The following GPI variants were observed in gnomAD, a reference collection of about 807,000 sequenced individuals.
GPI encodes D-hexose-6-phosphate anomerase.
GPI carries 56 observed loss-of-function variants against 75.8 expected under a neutral mutation model. The ratio of observed to expected loss-of-function variants is 0.74; its 90% CI spans 0.60 to 0.92. The LOEUF is 0.92. GPI is among the 40% of genes least tolerant of loss of function. The pLI is 0.00. For missense variants in GPI, 638 were observed against 741.0 expected, an observed-to-expected ratio of 0.86 and a Z score of 1.61; for synonymous variants, 288 against 285.4, an observed-to-expected ratio of 1.01 and a Z score of -0.09.
Position 34,400,273 on chromosome 19 carries a change from G to A in GPI, c.*237G>A, listed in dbSNP as rs1470061117. The A allele has an allele frequency of 8.2e-6, 5 of 610,770 alleles. No homozygotes were observed. In the Admixed American group the frequency reaches 1.1e-4, roughly 13 times the overall value. The allele number at this position is 610,770 out of a possible 1,614,324, so 37.8% of individuals were successfully genotyped here. Reference sequence around the variant, plus strand: ...GTGTTTTTGTGCAGCTGACTTTTCTGACCCATGTTCACGTTGTTCACATCC... The same window carrying A: ...GTGTTTTTGTGCAGCTGACTTTTCTAACCCATGTTCACGTTGTTCACATCC... On this transcript the variant is annotated 3_prime_UTR_variant, in exon 18 of 18. Transcript: ENST00000356487.
intron 1 of GPI, 156 bp downstream of exon 1, chr19:34,365,544 T>C: frequency 8.1e-7 from 1 of 1,229,968 alleles, no homozygotes; most frequent in South Asian, 1.3e-5. Flanking sequence ...CACTTCGTCC[T>C]TGGAGTCTCC....
At chr19:34,376,062 A>C (rs1367573738) in intron 4 of GPI, among the ~76,000 whole-genome samples, 1 of 152,176 alleles carries the variant, frequency 6.6e-6, no homozygotes, top group Non-Finnish European at 1.5e-5. Context: ...TAAGGTAGGG[A>C]TGTCTCACTG....
intron 7 of GPI, 21 bp downstream of exon 7, chr19:34,379,026 TC>T (rs1236718697): frequency 6.2e-7 from 1 of 1,603,612 alleles, no homozygotes; most frequent in Non-Finnish European, 8.5e-7. Context: ...TATAGGGCCT[TC>T]CTCGTGGTTA....
intron 4 of GPI, among the ~76,000 whole-genome samples, chr19:34,373,112 T>C (rs2074480458): frequency 6.6e-6 from 1 of 151,114 alleles, no homozygotes; most frequent in South Asian, 2.1e-4. Context: ...ATAGTCTGGG[T>C]GCTGTGGCTC....
intron 7 of GPI, 60 bp downstream of exon 7, chr19:34,379,065 G>T: frequency 7.1e-7 from 1 of 1,410,956 alleles, no homozygotes; most frequent in Non-Finnish European, 1.0e-6. Context: ...AGCAGGGTGG[G>T]CCCCTGAGTG....
rs899527532 is a variant in GPI at position 34,365,500 on chromosome 19, T to A, written c.122+112T>A. The A allele has an allele frequency of 1.6e-5, 24 of 1,471,554 alleles. No individual in the cohort carries two copies. The Admixed American group carries it at 2.0e-4, about 12-fold the overall frequency. The allele number at this position is 1,471,554 out of a possible 1,614,324, so 91.2% of individuals were successfully genotyped here. A position where few individuals can be genotyped will look rare whatever the true frequency, so the allele number is the denominator to read the frequency against. On this transcript the variant is annotated intron_variant, in intron 1 of 17. Coordinates refer to ENST00000356487, the MANE Select transcript of GPI (RefSeq NM_000175.5). ...TGCCCGGGGACCCCAGTCCCCGACC[T>A]CCAGGCCACGGACTGGGGCCCAGGC...
intron 4 of GPI, among the ~76,000 whole-genome samples, chr19:34,372,366 G>A (rs1271255181): frequency 2.0e-5 from 3 of 152,196 alleles, no homozygotes; most frequent in Non-Finnish European, 4.4e-5. Context: ...GTAGGGCCAG[G>A]CACAGTTGCT....
intron 9 of GPI, among the ~76,000 whole-genome samples, chr19:34,387,847 A>T (rs1017432699): frequency 5.9e-5 from 9 of 152,070 alleles, no homozygotes; most frequent in Non-Finnish European, 1.0e-4. Flanking sequence ...CTAGCACAGG[A>T]ATGCATAATG....
chr19:34,365,193 C>G (rs946761670), upstream of GPI: 39 of 1,357,556 alleles, frequency 2.9e-5, no homozygotes, highest in Non-Finnish European at 3.2e-5. Flanking sequence ...GCCCACGCGC[C>G]TCGCTTGCTG....
At chr19:34,392,823 G>T in intron 9 of GPI, 1 of 325,468 alleles carries the variant, frequency 3.1e-6, no homozygotes, top group South Asian at 2.7e-5. Context: ...GAGGATCTGG[G>T]TGTGTCCGTG....
In GPI at chr19:34,400,326, G is replaced by C. The variant is rs2075004616; in HGVS notation, c.*290G>C. ...TGTAGAAAAATAAAGATGCCACGGA[G>C]GAGGTTGTAGGCTCAGCCTCTGATT... On this transcript the variant is annotated 3_prime_UTR_variant, in exon 18 of 18. Transcript: ENST00000356487. The C allele has an allele frequency of 1.7e-6, 1 of 596,466 alleles. No homozygotes were observed. Among genetic ancestry groups the C allele is most frequent in the Admixed American group, 3.0e-5 (1 of 33,836 alleles). 36.9% of individuals were successfully genotyped at this position (596,466 alleles called of 1,614,324 possible). A position where few individuals can be genotyped will look rare whatever the true frequency, so the allele number is the denominator to read the frequency against.
Position 34,381,473 on chromosome 19 carries a change from T to C in GPI, c.758T>C (p.Val253Ala), listed in dbSNP as rs2074651060. The C allele has an allele frequency of 6.2e-7, 1 of 1,602,974 alleles. No homozygotes were observed. Among genetic ancestry groups the C allele is most frequent in the East Asian group, 2.2e-5 (1 of 44,786 alleles). Residue 253 changes from valine (V) to alanine (A), a missense_variant, in exon 9 of 18, where the codon GTG becomes GCG. Val to Ala is a moderately conservative substitution (Grantham distance 64, BLOSUM62 0). Coordinates refer to ENST00000356487, the MANE Select transcript of GPI (RefSeq NM_000175.5). ...FVALSTNTTK[V>A]KEFGIDPQNM... Reference sequence around the variant, plus strand: ...TTGTTTTTTTTTTTGTAGACCAAAGTGAAGGAGTTTGGAATTGACCCTCAA... The same window carrying C: ...TTGTTTTTTTTTTTGTAGACCAAAGCGAAGGAGTTTGGAATTGACCCTCAA...
intron 12 of GPI, 81 bp from the exon 13 acceptor site, chr19:34,396,220 G>C (rs1599856865): frequency 6.6e-7 from 1 of 1,517,558 alleles, no homozygotes; most frequent in African/African-American, 1.4e-5. Context: ...TTACAGGCTT[G>C]AGCCACTGCG....
chr19:34,371,812 G>A (rs1413192301), intron 4 of GPI, among the ~76,000 whole-genome samples: 5 of 150,252 alleles, frequency 3.3e-5, no homozygotes, highest in African/African-American at 9.8e-5. Flanking sequence ...CCAAGATCAC[G>A]CCACTGCACT....
In GPI at chr19:34,393,236, T is replaced by C; in HGVS notation, c.805-12T>C. The stretch of plus-strand genomic sequence containing the variant: ...CCGGCCCTCCCTCAGCACCTTGTCC[T>C]GTCTCTCCTAGTGGGTGGGAGGACG... On this transcript the variant is annotated splice_polypyrimidine_tract_variant and intron_variant, in intron 9 of 17. Coordinates refer to ENST00000356487, the MANE Select transcript of GPI (RefSeq NM_000175.5). This position sits in a 1 kb window ranked among gnomAD's most constrained non-coding sequence, Gnocchi z 4.4. 1 of 1,607,688 alleles carries C rather than the reference T, an allele frequency of 6.2e-7. No individual in the cohort carries two copies. Among genetic ancestry groups the C allele is most frequent in the Non-Finnish European group, 8.5e-7 (1 of 1,174,162 alleles).
chr19:34,384,816 G>T (rs1440538413), intron 9 of GPI, among the ~76,000 whole-genome samples: 24 of 152,148 alleles, frequency 1.6e-4, no homozygotes. Flanking sequence ...GCCAAGGCAG[G>T]CAGATCAGTT....
intron 4 of GPI, among the ~76,000 whole-genome samples, chr19:34,369,972 G>C (rs1181048344): frequency 1.3e-5 from 2 of 152,208 alleles, no homozygotes; most frequent in African/African-American, 4.8e-5. Flanking sequence ...CTTCCAGAAA[G>C]TTCCTGTGCA....
At position 34,400,093 on chromosome 19, in the gene GPI, C is replaced by T. The variant is rs2075001478; in HGVS notation, c.*57C>T. The T allele has an allele frequency of 6.3e-7, 1 of 1,577,088 alleles. No individual in the cohort carries two copies. The highest frequency in any genetic ancestry group is 8.6e-7 in the Non-Finnish European group (1 of 1,159,224). ...TCCCCTTTCTCTTCTCGTCCCTCCTCCCCGGAGCCGGCACTGCATGTTCCT... is the reference window on the plus strand; with the variant it reads ...TCCCCTTTCTCTTCTCGTCCCTCCTTCCCGGAGCCGGCACTGCATGTTCCT... On this transcript the variant is annotated 3_prime_UTR_variant, in exon 18 of 18. Coordinates refer to ENST00000356487, the MANE Select transcript of GPI (RefSeq NM_000175.5).
Position 34,365,694 on chromosome 19 carries a change from C to T in GPI, c.122+306C>T, listed in dbSNP as rs899579385. ...GCAGCTCTGGCCATTTGAGCAGGGG[C>T]TCCTTTCGCAGTTGTGAAGAGAGGC... On this transcript the variant is annotated intron_variant, in intron 1 of 17. Transcript: ENST00000356487. 76 of 563,232 alleles carry T rather than the reference C, an allele frequency of 1.3e-4. 1 individual carries two copies. In the East Asian group the frequency reaches 3.1e-3, roughly 23 times the overall value. The allele number at this position is 563,232 out of a possible 1,614,324, so 34.9% of individuals were successfully genotyped here.
Sources: gnomAD v4.1 joint callset for allele counts (sites outside exome capture counted in the v4.1 genomes callset) on GRCh38, gnomAD v4.1.1 for gene constraint, Gnocchi (gnomAD v3.1) non-coding constraint, MANE v1.5 for transcripts, NCBI Gene and HGNC (gene_info 2026-07-23, HGNC 2026-07-21) for gene names.